REEP5: variants seen among roughly 807,000 people sequenced by gnomAD.
REEP5 encodes receptor expression-enhancing protein 5.
A neutral mutation model predicts 22.4 loss-of-function variants in REEP5; 24 were observed. That is an observed-to-expected ratio of 1.07 (90% CI 0.78 to 1.51). The LOEUF (loss-of-function observed/expected upper bound fraction) is 1.51, where lower values mean the gene tolerates loss of function less well. Ranked by LOEUF, REEP5 falls within the 40% of genes most tolerant of loss-of-function variation. The probability of loss-of-function intolerance (pLI) is 0.00; values close to 1 mark genes in which losing one functional copy is unlikely to be tolerated. For missense variants in REEP5, 252 were observed against 233.0 expected, an observed-to-expected ratio of 1.08 and a Z score of -0.53; for synonymous variants, 103 against 88.6, an observed-to-expected ratio of 1.16 and a Z score of -0.92.
At chr5:112,910,059 T>C (rs1325172702) in intron 2 of REEP5, among the ~76,000 whole-genome samples, 2 of 152,210 alleles carry the variant, frequency 1.3e-5, no homozygotes, top group African/African-American at 4.8e-5. Context: ...TCGCAGCATT[T>C]TGGGAGGCCA....
At chr5:112,902,638 G>T in intron 2 of REEP5, 120 bp from the exon 3 acceptor site, 1 of 824,450 alleles carries the variant, frequency 1.2e-6, no homozygotes, top group Non-Finnish European at 1.8e-6. Context: ...TGTAGGCACT[G>T]TGTCACTAGA....
chr5:112,896,026 T>C (rs1029237530), intron 3 of REEP5: 1 of 152,500 alleles, frequency 6.6e-6, no homozygotes, highest in African/African-American at 2.4e-5. Context: ...CATGTGATTT[T>C]CCCCCAGAAG....
intron 4 of REEP5, among the ~76,000 whole-genome samples, chr5:112,886,185 CA>C (rs1394594209): frequency 1.3e-5 from 2 of 152,234 alleles, no homozygotes; most frequent in Non-Finnish European, 2.9e-5. Context: ...GCGCTTCATT[CA>C]AAACGTCACA....
chr5:112,910,788 C>T (rs1462234658), intron 2 of REEP5, among the ~76,000 whole-genome samples: 2 of 152,218 alleles, frequency 1.3e-5, no homozygotes, highest in Non-Finnish European at 2.9e-5. Flanking sequence ...AAATAGCAGA[C>T]ACTGTTCCTT....
At chr5:112,899,292 T>C (rs1376424772) in intron 3 of REEP5, among the ~76,000 whole-genome samples, 6 of 151,434 alleles carry the variant, frequency 4.0e-5, no homozygotes, top group East Asian at 3.9e-4. Flanking sequence ...CATGCTGTGA[T>C]CTGGGAGCCT....
intron 4 of REEP5, among the ~76,000 whole-genome samples, chr5:112,879,199 G>T (rs1162511583): frequency 6.6e-6 from 1 of 151,972 alleles, no homozygotes; most frequent in Non-Finnish European, 1.5e-5. Context: ...TTGCCTGTAA[G>T]ATTTCACTTA....
At chr5:112,914,976 A>G (rs1171024811) in intron 2 of REEP5, among the ~76,000 whole-genome samples, 1 of 152,242 alleles carries the variant, frequency 6.6e-6, no homozygotes, top group African/African-American at 2.4e-5. Flanking sequence ...CTTCTGCCAT[A>G]TTAATTCATA....
intron 3 of REEP5, 131 bp from the exon 4 acceptor site, chr5:112,887,314 T>C: frequency 1.2e-6 from 1 of 822,946 alleles, no homozygotes; most frequent in Non-Finnish European, 1.7e-6. Flanking sequence ...TTACCAGTGT[T>C]TTCTGCAGGT....
At chr5:112,916,547 T>C (rs778520688) in intron 2 of REEP5, among the ~76,000 whole-genome samples, 28 of 152,256 alleles carry the variant, frequency 1.8e-4, no homozygotes, top group Non-Finnish European at 3.4e-4. Flanking sequence ...TGTGCAGATA[T>C]ATGATTTGGG....
intron 2 of REEP5, among the ~76,000 whole-genome samples, chr5:112,910,358 A>T (rs184492148): frequency 7.6e-4 from 115 of 152,238 alleles, no homozygotes; most frequent in Middle Eastern, 3.4e-3. Flanking sequence ...ATGGTAGAGG[A>T]GGCTGTGTAT....
chr5:112,888,169 T>G (rs1768318071), intron 3 of REEP5, among the ~76,000 whole-genome samples: 1 of 94,470 alleles, frequency 1.1e-5, no homozygotes, highest in African/African-American at 9.8e-5. Context: ...TGCTTTAAAT[T>G]TAAGTCTTAG....
chr5:112,893,976 G>A (rs1768591336), intron 3 of REEP5: 1 of 152,184 alleles, frequency 6.6e-6, no homozygotes, highest in Admixed American at 6.5e-5. Flanking sequence ...GACCCAAAAT[G>A]GAGAATTAAA....
At chr5:112,915,010 G>A (rs1044086643) in intron 2 of REEP5, among the ~76,000 whole-genome samples, 1 of 152,166 alleles carries the variant, frequency 6.6e-6, no homozygotes, top group Non-Finnish European at 1.5e-5. Flanking sequence ...AATTGTTAAT[G>A]TTATGAATCA....
chr5:112,899,262 G>GTTTTTTTTTTTTTTTTTTTTTTTTTTT lies in REEP5; in HGVS notation c.351+3117_351+3118insAAAAAAAAAAAAAAAAAAAAAAAAAAA, dbSNP rs35060737. 2.8e-5 allele frequency among the ~76,000 whole-genome samples: 4 copies of GTTTTTTTTTTTTTTTTTTTTTTTTTTT among 144,592 alleles called. 1 individual carries two copies. The highest frequency in any genetic ancestry group is 1.0e-4 in the African/African-American group (4 of 39,850). The allele number at this position is 144,592 out of a possible 152,430, so 94.9% of individuals were successfully genotyped here. A position where few individuals can be genotyped will look rare whatever the true frequency, so the allele number is the denominator to read the frequency against. ...CCTGGCATTTGTTTTTTGGTTTTCG[G>GTTTTTTTTTTTTTTTTTTTTTTTTTTT]TTTTTTTTTTTTTGGTCAACATGCT... On this transcript the variant is annotated intron_variant, in intron 3 of 4. Transcript: ENST00000379638.
chr5:112,904,334 C>T (rs909555534), intron 2 of REEP5, among the ~76,000 whole-genome samples: 10 of 152,178 alleles, frequency 6.6e-5, no homozygotes, highest in East Asian at 1.9e-4. Context: ...TTTCTTCTCC[C>T]GCTGTGTTTC....
chr5:112,896,000 C>T (rs890973253), intron 3 of REEP5: 1 of 152,414 alleles, frequency 6.6e-6, no homozygotes, highest in East Asian at 1.9e-4. Context: ...TCCGTCTGTG[C>T]TTCTAATGCT....
intron 2 of REEP5, among the ~76,000 whole-genome samples, chr5:112,916,869 T>C (rs1769243534): frequency 6.6e-6 from 1 of 152,230 alleles, no homozygotes. Context: ...TCATAGCACT[T>C]ACATAATAGG....
chr5:112,891,968 G>A (rs772191308), intron 3 of REEP5: 1 of 1,235,588 alleles, frequency 8.1e-7, no homozygotes, highest in Non-Finnish European at 1.2e-6. Flanking sequence ...GAACAAGAGA[G>A]AAAGTTAAAG....
At chr5:112,900,755 A>C (rs1768821559) in intron 3 of REEP5, among the ~76,000 whole-genome samples, 1 of 152,048 alleles carries the variant, frequency 6.6e-6, no homozygotes, top group Admixed American at 6.6e-5. Context: ...GGCCCCCTCC[A>C]TTCCAGTGCC....
Sources: gnomAD v4.1 joint callset for allele counts (sites outside exome capture counted in the v4.1 genomes callset) on GRCh38, gnomAD v4.1.1 for gene constraint, MANE v1.5 for transcripts, NCBI Gene and HGNC (gene_info 2026-07-23, HGNC 2026-07-21) for gene names.